Variants in CACNA1B observed in about 807,000 individuals in gnomAD.
The protein encoded by CACNA1B is calcium voltage-gated channel subunit alpha1 B.
A neutral mutation model predicts 247.2 loss-of-function variants in CACNA1B; 70 were observed. The ratio of observed to expected loss-of-function variants is 0.28; its 90% confidence interval spans 0.23 to 0.35. The LOEUF is 0.35. Among genes scored for constraint, CACNA1B ranks in the 10% least tolerant of loss-of-function variants. The pLI, the probability that CACNA1B is intolerant of heterozygous loss-of-function variation, is 1.00. For synonymous variants in CACNA1B, 1,231 were observed against 1,294.4 expected (o/e 0.95, Z 1.05); for missense variants, 2,367 against 3,197.4 (o/e 0.74, Z 6.26).
At position 138,007,780 on chromosome 9, in the gene CACNA1B, A is replaced by G. The variant is rs569111626; in HGVS notation, c.2092+896A>G. On this transcript the variant is annotated intron_variant, in intron 16 of 46. Coordinates refer to ENST00000371372, the MANE Select transcript of CACNA1B (RefSeq NM_000718.4). The surrounding 1 kb of genome is among the most constrained non-coding windows in gnomAD (Gnocchi z 4.1). ...CCCACAGGGCCCCGAGGAGCTGGAG[A>G]CAATGTCTCACAGTCGACCTCCCGG... Among the ~76,000 whole-genome samples, 5 of 152,252 alleles carry G rather than the reference A, an allele frequency of 3.3e-5. No homozygotes were observed. Among genetic ancestry groups the G allele is most frequent in the African/African-American group, 1.2e-4 (5 of 41,534 alleles).
rs1456253562 is a variant in CACNA1B, at chr9:138,051,246, C to T, written c.3711-846C>T. ...AGTCCCCAGAACCTGCTAATTCCTG[C>T]GTCCCTGACAGGTAGAGGCAGCTGC... is the stretch of plus-strand genomic sequence containing the variant. On this transcript the variant is annotated intron_variant, in intron 24 of 46. Coordinates refer to ENST00000371372, the MANE Select transcript of CACNA1B (RefSeq NM_000718.4). This position sits in a 1 kb window ranked among gnomAD's most constrained non-coding sequence, Gnocchi z 4.3. 3.9e-5 allele frequency among the ~76,000 whole-genome samples: 6 copies of T among 152,152 alleles called. No individual in the cohort carries two copies. The East Asian group carries it at 7.8e-4, about 20-fold the overall frequency.
rs567691864 is a variant in CACNA1B, at chr9:138,057,026, C to G, written c.3969-706C>G. 4.3e-4 allele frequency among the ~76,000 whole-genome samples: 65 copies of G among 151,158 alleles called. No homozygotes were observed. The highest frequency in any genetic ancestry group is 1.5e-3 in the African/African-American group (60 of 41,248). Reference sequence around the variant, plus strand: ...TCTCGGCTCACTGCAGGCTCCACCTCCCGGGTTCACGCCATTCTCCTGCCT... The same window carrying G: ...TCTCGGCTCACTGCAGGCTCCACCTGCCGGGTTCACGCCATTCTCCTGCCT... On this transcript the variant is annotated intron_variant, in intron 26 of 46. Transcript: ENST00000371372. The surrounding 1 kb of genome is among the most constrained non-coding windows in gnomAD (Gnocchi z 4.0).
At chr9:138,105,922 G>C in intron 39 of CACNA1B, 115 bp downstream of exon 39, 1 of 653,644 alleles carries the variant, frequency 1.5e-6, no homozygotes, top group South Asian at 1.8e-5. Context: ...GCTGTGTCTG[G>C]AGGGGTCTGA....
At chr9:138,104,528 G>A (rs1173701271) in intron 38 of CACNA1B, among the ~76,000 whole-genome samples, 1 of 152,224 alleles carries the variant, frequency 6.6e-6, no homozygotes, top group African/African-American at 2.4e-5. Flanking sequence ...GACTAGGACT[G>A]GACGTGGCAA....
chr9:137,959,675 G>A (rs1296839773), intron 10 of CACNA1B, among the ~76,000 whole-genome samples: 1 of 152,180 alleles, frequency 6.6e-6, no homozygotes, highest in South Asian at 2.1e-4. Context: ...TTTCTGTGGC[G>A]CTGTGCACCG....
rs1455258249 is a variant in CACNA1B at position 138,039,492 on chromosome 9, A to G, written c.3287-4282A>G. Among the ~76,000 whole-genome samples, 3 of 152,158 alleles carry G rather than the reference A, an allele frequency of 2.0e-5. 1 individual carries two copies. The highest frequency in any genetic ancestry group is 7.2e-5 in the African/African-American group (3 of 41,440). ...TATCAAACAAACTCTCGTTACTCTA[A>G]GTAATTTTCTGTAGATTATTTTGTT... On this transcript the variant is annotated intron_variant, in intron 20 of 46. Coordinates refer to ENST00000371372, the MANE Select transcript of CACNA1B (RefSeq NM_000718.4).
intron 10 of CACNA1B, among the ~76,000 whole-genome samples, chr9:137,969,139 G>A (rs779594659): frequency 3.3e-5 from 5 of 152,212 alleles, no homozygotes; most frequent in Admixed American, 6.5e-5. Context: ...GGGTGCTGCT[G>A]GGGTTGCTGA....
In CACNA1B at chr9:138,010,768, G is replaced by C. The variant is rs935564563; in HGVS notation, c.2160+691G>C. 8.5e-5 allele frequency among the ~76,000 whole-genome samples: 13 copies of C among 152,096 alleles called. No homozygotes were observed. The highest frequency in any genetic ancestry group is 2.9e-4 in the African/African-American group (12 of 41,396). On this transcript the variant is annotated intron_variant, in intron 17 of 46. Coordinates refer to ENST00000371372, the MANE Select transcript of CACNA1B (RefSeq NM_000718.4). This position sits in a 1 kb window ranked among gnomAD's most constrained non-coding sequence, Gnocchi z 5.3. ...CTCTTCTGCCTGTGCACCATCCCTG[G>C]ACAGGTGTCTGCATGCACCTGTGCA...
intron 15 of CACNA1B, among the ~76,000 whole-genome samples, chr9:138,001,328 T>C (rs1428253699): frequency 1.3e-5 from 2 of 152,188 alleles, no homozygotes; most frequent in East Asian, 3.8e-4. Flanking sequence ...CCAGGATGGG[T>C]GATAGCTAAT....
chr9:137,955,783 A>C lies in CACNA1B; in HGVS notation c.1156A>C (p.Asn386His). The C allele has an allele frequency of 6.2e-7, 1 of 1,611,272 alleles. No individual in the cohort carries two copies. Among genetic ancestry groups the C allele is most frequent in the Non-Finnish European group, 8.5e-7 (1 of 1,178,720 alleles). The change falls in exon 8 of 47, where the codon AAC becomes CAC. Residue 386 changes from asparagine (N) to histidine (H), a missense_variant. This residue lies in a region of CACNA1B where 219 missense variants were observed against 297.6 expected (regional missense o/e 0.74). Transcript: ENST00000371372. This position sits in a 1 kb window ranked among gnomAD's most constrained non-coding sequence, Gnocchi z 6.9. ...GCAGCAGCAGATCGAGCGAGAGCTC[A>C]ACGGGTACCTGGAGTGGATCTTCAA... ...RRQQQIEREL[N>H]GYLEWIFKAE...
At position 137,880,185 on chromosome 9, in the gene CACNA1B, G is replaced by A. The variant is rs941676745; in HGVS notation, c.390+1026G>A. Among the ~76,000 whole-genome samples the A allele has an allele frequency of 2.6e-5, 4 of 152,190 alleles. No homozygotes were observed. Among genetic ancestry groups the A allele is most frequent in the Admixed American group, 2.0e-4 (3 of 15,282 alleles). ...GCCCAGGAGTGCAGAAGGGGAGACA[G>A]GGAGCCTGTCCTGGAGGTGAGGCAC... On this transcript the variant is annotated intron_variant, in intron 2 of 46. Transcript: ENST00000371372. The surrounding 1 kb of genome is among the most constrained non-coding windows in gnomAD (Gnocchi z 4.8).
intron 20 of CACNA1B, among the ~76,000 whole-genome samples, chr9:138,027,142 A>G (rs1426992746): frequency 6.6e-6 from 1 of 152,026 alleles, no homozygotes; most frequent in African/African-American, 2.4e-5. Flanking sequence ...GAGTTTTAGG[A>G]GTTCTTTGTA....
rs181715263 is a variant in CACNA1B at position 138,109,183 on chromosome 9, A to G, written c.5429-3215A>G. 2.0e-5 allele frequency among the ~76,000 whole-genome samples: 3 copies of G among 152,320 alleles called. No individual in the cohort carries two copies. In the East Asian group the frequency reaches 5.8e-4, roughly 29 times the overall value. On this transcript the variant is annotated intron_variant, in intron 39 of 46. Coordinates refer to ENST00000371372, the MANE Select transcript of CACNA1B (RefSeq NM_000718.4). ...AAGCTTCATCAATCATGTATCATAG[A>G]CTCACTTATACGGTCAATTGATTTT...
chr9:137,888,555 G>C lies in CACNA1B; in HGVS notation c.530+5672G>C, dbSNP rs1317003100. On this transcript the variant is annotated intron_variant, in intron 3 of 46. Coordinates refer to ENST00000371372, the MANE Select transcript of CACNA1B (RefSeq NM_000718.4). This position sits in a 1 kb window ranked among gnomAD's most constrained non-coding sequence, Gnocchi z 4.7. Reference sequence around the variant, plus strand: ...TCCTGGCTCAGGCAGGTGGCTCTCCGGGGGAGCTTTCCAACCACGGCTTCT... The same window carrying C: ...TCCTGGCTCAGGCAGGTGGCTCTCCCGGGGAGCTTTCCAACCACGGCTTCT... 6.6e-6 allele frequency among the ~76,000 whole-genome samples: 1 copy of C among 152,200 alleles called. No individual in the cohort carries two copies. Among genetic ancestry groups the C allele is most frequent in the South Asian group, 2.1e-4 (1 of 4,826 alleles).
intron 6 of CACNA1B, among the ~76,000 whole-genome samples, chr9:137,925,833 C>T (rs750723790): frequency 6.6e-6 from 1 of 151,422 alleles, no homozygotes; most frequent in Non-Finnish European, 1.5e-5. Flanking sequence ...AGCTCCCCCT[C>T]CCAGGTTCAT....
At chr9:137,972,310 G>A (rs181790848) in intron 11 of CACNA1B, among the ~76,000 whole-genome samples, 2 of 152,138 alleles carry the variant, frequency 1.3e-5, no homozygotes, top group Admixed American at 6.5e-5. Flanking sequence ...TGTCCTTTCA[G>A]GTAGTGATTC....
intron 39 of CACNA1B, among the ~76,000 whole-genome samples, chr9:138,107,217 A>G (rs78140964): frequency 0.058 from 7,285 of 124,944 alleles, 616 homozygotes; most frequent in African/African-American, 0.19. Flanking sequence ...AAATCATCTT[A>G]TTTTATTTAT....
rs573869045 is a variant in CACNA1B at position 137,919,594 on chromosome 9, C to T, written c.966+2163C>T. On this transcript the variant is annotated intron_variant, in intron 6 of 46. Coordinates refer to ENST00000371372, the MANE Select transcript of CACNA1B (RefSeq NM_000718.4). The surrounding 1 kb of genome is among the most constrained non-coding windows in gnomAD (Gnocchi z 4.6). ...GGATCCTTTGGAGAGAGCGAGAGCC[C>T]GCCCCTCACCTCCAACCCAGTGAGA... Among the ~76,000 whole-genome samples the T allele has an allele frequency of 2.0e-5, 3 of 152,318 alleles. No homozygotes were observed. Among genetic ancestry groups the T allele is most frequent in the East Asian group, 1.9e-4 (1 of 5,174 alleles).
At position 138,102,123 on chromosome 9, in the gene CACNA1B, A is replaced by C. The variant is rs1961273483; in HGVS notation, c.5223-588A>C. On this transcript the variant is annotated intron_variant, in intron 37 of 46. Transcript: ENST00000371372. The surrounding 1 kb of genome is among the most constrained non-coding windows in gnomAD (Gnocchi z 5.4). ...TGGGCTTGAAGCAGGACTTGCCCCA[A>C]GGTTAGGTTTTGGCTGTACAGCTTC... Among the ~76,000 whole-genome samples, 1 of 152,150 alleles carries C rather than the reference A, an allele frequency of 6.6e-6. No homozygotes were observed. The highest frequency in any genetic ancestry group is 1.5e-5 in the Non-Finnish European group (1 of 68,026).
Sources: allele counts gnomAD v4.1 joint callset (sites outside exome capture counted in the v4.1 genomes callset), GRCh38; gene constraint gnomAD v4.1.1; regional missense constraint gnomAD v4.1.1; non-coding constraint Gnocchi (gnomAD v3.1); transcripts MANE v1.5; gene names NCBI Gene and HGNC (gene_info 2026-07-23, HGNC 2026-07-21).